Variants in MTRES1 observed in about 807,000 individuals in gnomAD.
MTRES1 encodes the protein uncharacterized protein C6orf203.
A neutral mutation model predicts 17.4 loss-of-function variants in MTRES1; 11 were observed. The observed-to-expected ratio is 0.63, with a 90% CI of 0.40 to 1.05. The LOEUF is 1.05. Ranked by LOEUF, MTRES1 falls within the 50% of genes least tolerant of loss-of-function variation. MTRES1 has a pLI of 0.00. For synonymous variants in MTRES1, 94 were observed against 99.6 expected (o/e 0.94, Z 0.34); for missense variants, 268 against 276.2 (o/e 0.97, Z 0.21).
At chr6:107,030,003 G>A in intron 1 of MTRES1, 1 of 539,052 alleles carries the variant, frequency 1.9e-6, no homozygotes, top group African/African-American at 2.2e-5. Flanking sequence ...TTTTTTTTTT[G>A]TCTACCTGTT....
intron 1 of MTRES1, among the ~76,000 whole-genome samples, chr6:107,030,470 A>G (rs1422781148): frequency 6.6e-6 from 1 of 152,220 alleles, no homozygotes; most frequent in African/African-American, 2.4e-5. Context: ...AAGCAAAGGG[A>G]AAAGATGCAT....
intron 1 of MTRES1, among the ~76,000 whole-genome samples, chr6:107,030,959 G>T (rs1255972409): frequency 6.6e-6 from 1 of 152,224 alleles, no homozygotes; most frequent in African/African-American, 2.4e-5. Flanking sequence ...TAAAGCCACA[G>T]AAATGATTGA....
intron 1 of MTRES1, among the ~76,000 whole-genome samples, chr6:107,037,466 C>T (rs1230478045): frequency 2.0e-5 from 3 of 151,962 alleles, no homozygotes; most frequent in Non-Finnish European, 4.4e-5. Flanking sequence ...CCTCCTTGGA[C>T]TCCAAAGTGG....
chr6:107,033,850 G>A (rs1773922850), intron 1 of MTRES1, among the ~76,000 whole-genome samples: 1 of 152,060 alleles, frequency 6.6e-6, no homozygotes, highest in African/African-American at 2.4e-5. Context: ...AAGTTCTGAG[G>A]CAGAATCTGG....
chr6:107,044,973 G>T (rs1217975692), intron 3 of MTRES1, among the ~76,000 whole-genome samples: 1 of 151,828 alleles, frequency 6.6e-6, no homozygotes, highest in African/African-American at 2.4e-5. Flanking sequence ...CAGATCGCTT[G>T]AGCCCAGGAG....
chr6:107,041,007 A>C (rs1408445398), intron 2 of MTRES1: 2 of 151,976 alleles, frequency 1.3e-5, no homozygotes, highest in Non-Finnish European at 2.9e-5. Context: ...CGGGCGGATC[A>C]CAAGGTCAGG....
At chr6:107,036,062 T>A (rs1461422166) in intron 1 of MTRES1, among the ~76,000 whole-genome samples, 2 of 152,142 alleles carry the variant, frequency 1.3e-5, no homozygotes, top group Admixed American at 6.6e-5. Context: ...CAACCTTTCC[T>A]AGTTATGACT....
intron 1 of MTRES1, 46 bp downstream of exon 1, chr6:107,028,317 G>GC: frequency 6.6e-6 from 1 of 152,300 alleles, no homozygotes; most frequent in Non-Finnish European, 1.5e-5. Flanking sequence ...CCCTGCCCGC[G>GC]CCCCCTGTCA....
At chr6:107,031,561 A>G (rs1267385997) in intron 1 of MTRES1, among the ~76,000 whole-genome samples, 5 of 149,722 alleles carry the variant, frequency 3.3e-5, no homozygotes, top group African/African-American at 1.2e-4. Context: ...TCCTGCCTCA[A>G]CCTCCTGAGT....
At chr6:107,029,479 G>C (rs1311667599) in intron 1 of MTRES1, among the ~76,000 whole-genome samples, 3 of 148,836 alleles carry the variant, frequency 2.0e-5, no homozygotes, top group Admixed American at 2.0e-4. Flanking sequence ...GAGCCACCGC[G>C]CCCGGCCTGT....
At chr6:107,032,384 G>A (rs1773873613) in intron 1 of MTRES1, among the ~76,000 whole-genome samples, 1 of 152,130 alleles carries the variant, frequency 6.6e-6, no homozygotes, top group Non-Finnish European at 1.5e-5. Flanking sequence ...GCAGGTCCAG[G>A]GGAGGTTGAA....
Position 107,041,693 on chromosome 6 carries a change from T to A in MTRES1, c.470+1463T>A, listed in dbSNP as rs918057441. Among the ~76,000 whole-genome samples the A allele has an allele frequency of 4.7e-4, 71 of 151,786 alleles. 1 individual carries two copies. Among genetic ancestry groups the A allele is most frequent in the African/African-American group, 1.7e-3 (69 of 41,460 alleles). ...GGCGCCCACCACCACGCCTGGCTAA[T>A]TTTTTTGTATTTTTTTAGTAGAGAC... On this transcript the variant is annotated intron_variant, in intron 2 of 3. Transcript: ENST00000311381.
intron 3 of MTRES1, among the ~76,000 whole-genome samples, chr6:107,048,811 C>G (rs1014274481): frequency 6.6e-6 from 1 of 151,160 alleles, no homozygotes; most frequent in South Asian, 2.1e-4. Flanking sequence ...AAAAATTGAA[C>G]CAGCAGAACT....
At chr6:107,029,069 A>G (rs1202198130) in intron 1 of MTRES1, 1 of 171,902 alleles carries the variant, frequency 5.8e-6, no homozygotes, top group East Asian at 1.9e-4. Context: ...TCTGTCGCCC[A>G]GGCTGGAGTG....
intron 1 of MTRES1, among the ~76,000 whole-genome samples, chr6:107,035,501 T>G (rs1212785030): frequency 6.6e-6 from 1 of 152,110 alleles, no homozygotes; most frequent in Non-Finnish European, 1.5e-5. Context: ...TCTGGCCACC[T>G]ATGGCTAAAC....
At chr6:107,041,692 A>AT (rs1454868187) in intron 2 of MTRES1, among the ~76,000 whole-genome samples, 3 of 151,518 alleles carry the variant, frequency 2.0e-5, no homozygotes, top group Non-Finnish European at 4.4e-5. Flanking sequence ...CGCCTGGCTA[A>AT]TTTTTTTGTA....
At chr6:107,048,468 C>T (rs543624997) in intron 3 of MTRES1, among the ~76,000 whole-genome samples, 2 of 151,564 alleles carry the variant, frequency 1.3e-5, no homozygotes, top group South Asian at 4.2e-4. Flanking sequence ...TCCACATAGG[C>T]TGAAGTAGTC....
At chr6:107,032,917 C>T (rs1554226603) in intron 1 of MTRES1, among the ~76,000 whole-genome samples, 1 of 152,190 alleles carries the variant, frequency 6.6e-6, no homozygotes, top group Non-Finnish European at 1.5e-5. Flanking sequence ...GTGCAGGGTT[C>T]AGCCTCCCCG....
chr6:107,036,045 G>T (rs1377119162), intron 1 of MTRES1, among the ~76,000 whole-genome samples: 1 of 151,916 alleles, frequency 6.6e-6, no homozygotes, highest in Non-Finnish European at 1.5e-5. Flanking sequence ...CATATAGGGG[G>T]TATACTCAAC....
Sources: gnomAD v4.1 joint callset for allele counts (sites outside exome capture counted in the v4.1 genomes callset) on GRCh38, gnomAD v4.1.1 for gene constraint, MANE v1.5 for transcripts, NCBI Gene and HGNC (gene_info 2026-07-23, HGNC 2026-07-21) for gene names.